Variants in SULF2 observed in about 807,000 individuals in gnomAD.
The protein encoded by SULF2 is sulfatase 2.
In SULF2, 52 loss-of-function variants were observed where a neutral mutation model predicts 107.7. The observed-to-expected ratio is 0.48, with a 90% CI of 0.39 to 0.61. The LOEUF is 0.61. Among genes scored for constraint, SULF2 ranks in the 20% least tolerant of loss-of-function variants. The pLI, the probability that SULF2 is intolerant of heterozygous loss-of-function variation, is 0.00. For synonymous variants in SULF2, 460 were observed against 464.3 expected (o/e 0.99, Z 0.12); for missense variants, 993 against 1,177.3 (o/e 0.84, Z 2.29).
At chr20:47,665,128 C>T (rs2087217420) in intron 14 of SULF2, 71 bp downstream of exon 14, 5 of 976,410 alleles carry the variant, frequency 5.1e-6, no homozygotes, top group Non-Finnish European at 8.2e-6. Flanking sequence ...GGGTCAATCA[C>T]GAGAGGGGAT....
Position 47,736,800 on chromosome 20 carries a change from G to A in SULF2, c.318C>T (p.Thr106=). The A allele has an allele frequency of 6.2e-7, 1 of 1,614,214 alleles. No homozygotes were observed. Among genetic ancestry groups the A allele is most frequent in the South Asian group, 1.1e-5 (1 of 91,084 alleles). ...AGGAGCAGTTCTCATTGTTGGTGTA[G>A]GTGTTGTGGTTGTGGACGTACTTGC... ...LTGKYVHNHN[T]YTNNENCSSP... is the part of the protein sequence containing the mutation. The change falls in exon 3 of 21, where the codon ACC becomes ACT. Residue 106 remains threonine (T), a synonymous_variant. Transcript: ENST00000688720.
intron 3 of SULF2, among the ~76,000 whole-genome samples, chr20:47,713,045 G>C (rs559488150): frequency 1.3e-5 from 2 of 152,124 alleles, no homozygotes; most frequent in African/African-American, 4.8e-5. Context: ...TGTCTGGGGG[G>C]CAGGGGTGGG....
Position 47,678,502 on chromosome 20 carries a change from G to T in SULF2, c.1193+174C>A. On this transcript the variant is annotated intron_variant, in intron 8 of 20. Transcript: ENST00000688720. This position sits in a 1 kb window ranked among gnomAD's most constrained non-coding sequence, Gnocchi z 4.5. ...ATTCCAGATGGGAAGACAGAATCTC[G>T]GAGAGGGGACCATGCTTCTCTCCCA... 3.3e-6 allele frequency: 2 copies of T among 606,810 alleles called. No homozygotes were observed. The highest frequency in any genetic ancestry group is 5.4e-6 in the Non-Finnish European group (2 of 370,916). 37.6% of individuals were successfully genotyped at this position (606,810 alleles called of 1,614,324 possible).
At chr20:47,750,527 G>A (rs1290174614) in intron 2 of SULF2, among the ~76,000 whole-genome samples, 3 of 152,148 alleles carry the variant, frequency 2.0e-5, no homozygotes, top group Non-Finnish European at 2.9e-5. Context: ...CATCTCATGC[G>A]TGGACTGTTG....
rs1157652200 is a variant in SULF2 at position 47,756,659 on chromosome 20, T to A, written c.175+530A>T. ...GCTCATGTCTCATCTTTTTTTTTTTTTTTTGAGACAGAGTCTCACTCTGTC... is the reference window on the plus strand; with the variant it reads ...GCTCATGTCTCATCTTTTTTTTTTTATTTTGAGACAGAGTCTCACTCTGTC... On this transcript the variant is annotated intron_variant, in intron 2 of 20. Transcript: ENST00000688720. Among the ~76,000 whole-genome samples the A allele has an allele frequency of 2.0e-5, 3 of 151,378 alleles. No homozygotes were observed. The East Asian group carries it at 5.8e-4, about 29-fold the overall frequency.
upstream of SULF2, chr20:47,786,343 C>A (rs1356011121): frequency 6.6e-6 from 1 of 152,218 alleles, no homozygotes; most frequent in Non-Finnish European, 1.5e-5. Context: ...GCGACAGCCC[C>A]GGCCGGGCGC....
chr20:47,707,723 C>T (rs979714407), intron 3 of SULF2, among the ~76,000 whole-genome samples: 2 of 152,142 alleles, frequency 1.3e-5, no homozygotes, highest in African/African-American at 2.4e-5. Flanking sequence ...AAAGCAGTAC[C>T]CTTAAGGCAG....
At chr20:47,673,878 G>C (rs534788189) in intron 10 of SULF2, among the ~76,000 whole-genome samples, 4 of 152,344 alleles carry the variant, frequency 2.6e-5, no homozygotes, top group Admixed American at 1.3e-4. Context: ...TGAGTTCTGC[G>C]TGAAGCCCTG....
At chr20:47,665,335 C>T (rs373535815) in intron 13 of SULF2, 42 bp from the exon 14 acceptor site, 27 of 1,331,384 alleles carry the variant, frequency 2.0e-5, no homozygotes, top group Non-Finnish European at 2.7e-5. Flanking sequence ...ACCTTCAAGG[C>T]TGGACAACAA....
At chr20:47,734,960 C>A (rs6094797) in intron 3 of SULF2, among the ~76,000 whole-genome samples, 12 of 152,250 alleles carry the variant, frequency 7.9e-5, no homozygotes, top group African/African-American at 2.9e-4. Context: ...TTTCTCATGT[C>A]GCCTGTAAGA....
At chr20:47,710,316 G>A (rs1018916133) in intron 3 of SULF2, among the ~76,000 whole-genome samples, 9 of 150,632 alleles carry the variant, frequency 6.0e-5, no homozygotes, top group African/African-American at 2.3e-4. Flanking sequence ...GGGAATACAC[G>A]CATGAGCCAC....
intron 3 of SULF2, among the ~76,000 whole-genome samples, chr20:47,723,646 C>T (rs1047308845): frequency 3.6e-4 from 55 of 152,250 alleles, no homozygotes; most frequent in African/African-American, 1.3e-3. Context: ...GCGTGAACCC[C>T]GTTGTGAACT....
rs142827053 is a variant in SULF2, at chr20:47,716,542, A to G, written c.416-13872T>C. Among the ~76,000 whole-genome samples, 310 of 152,336 alleles carry G rather than the reference A, an allele frequency of 2.0e-3. 2 individuals are homozygous for G. The highest frequency in any genetic ancestry group is 2.6e-3 in the Non-Finnish European group (175 of 68,034). ...AGATAAATAACTATATTTTTCCCAA[A>G]CAAAATACAATTAATGAGAAGAGTT... On this transcript the variant is annotated intron_variant, in intron 3 of 20. Coordinates refer to ENST00000688720, the MANE Select transcript of SULF2 (RefSeq NM_001387048.1).
At chr20:47,664,228 C>A in intron 14 of SULF2, 39 bp from the exon 15 acceptor site, 1 of 1,592,122 alleles carries the variant, frequency 6.3e-7, no homozygotes, top group Non-Finnish European at 8.6e-7. Flanking sequence ...TCAGGAGTGG[C>A]TCAGAGGGCT....
chr20:47,763,378 C>T lies in SULF2; in HGVS notation c.-100-5915G>A, dbSNP rs567184160. On this transcript the variant is annotated intron_variant, in intron 1 of 20. Coordinates refer to ENST00000688720, the MANE Select transcript of SULF2 (RefSeq NM_001387048.1). Reference sequence around the variant, plus strand: ...ACCTTCCCAATGCCACAAACCACAGCGGTGAACAAACACCTGGGACCTCAT... The same window carrying T: ...ACCTTCCCAATGCCACAAACCACAGTGGTGAACAAACACCTGGGACCTCAT... Among the ~76,000 whole-genome samples, 4 of 152,174 alleles carry T rather than the reference C, an allele frequency of 2.6e-5. No homozygotes were observed. The East Asian group carries it at 7.7e-4, about 29-fold the overall frequency.
chr20:47,713,208 G>A (rs920693839), intron 3 of SULF2, among the ~76,000 whole-genome samples: 8 of 152,160 alleles, frequency 5.3e-5, no homozygotes, highest in Non-Finnish European at 1.2e-4. Context: ...TGCCCTGCAG[G>A]GGACACTGGG....
intron 7 of SULF2, among the ~76,000 whole-genome samples, chr20:47,682,438 C>T (rs1568808565): frequency 6.6e-6 from 1 of 152,240 alleles, no homozygotes; most frequent in Non-Finnish European, 1.5e-5. Context: ...CCTGTCCGCT[C>T]CCCTGCCCCA....
At chr20:47,708,192 A>G (rs1445489736) in intron 3 of SULF2, among the ~76,000 whole-genome samples, 1 of 152,234 alleles carries the variant, frequency 6.6e-6, no homozygotes, top group African/African-American at 2.4e-5. Flanking sequence ...GATGAAGAAA[A>G]TAAAGGAGAA....
intron 3 of SULF2, among the ~76,000 whole-genome samples, chr20:47,721,677 GGGT>G (rs558560270): frequency 2.6e-5 from 4 of 152,142 alleles, no homozygotes; most frequent in Non-Finnish European, 4.4e-5. Context: ...GCCTGCATGT[GGGT>G]TTCTATAGTG....
Sources: allele counts gnomAD v4.1 joint callset (sites outside exome capture counted in the v4.1 genomes callset), GRCh38; gene constraint gnomAD v4.1.1; non-coding constraint Gnocchi (gnomAD v3.1); transcripts MANE v1.5; gene names NCBI Gene and HGNC (gene_info 2026-07-23, HGNC 2026-07-21).